Variants in CHD9 observed in about 807,000 individuals in gnomAD.
The protein encoded by CHD9 is ATP-dependent chromatin remodeler CHD9.
Under a neutral mutation model 316.1 loss-of-function variants are expected in CHD9, and 77 were observed. The ratio of observed to expected loss-of-function variants is 0.24; its 90% CI spans 0.20 to 0.29. The LOEUF (loss-of-function observed/expected upper bound fraction) is 0.29, where lower values mean the gene tolerates loss of function less well. Ranked by LOEUF, CHD9 falls within the 10% of genes least tolerant of loss-of-function variation. The pLI is 1.00. For synonymous variants in CHD9, 1,129 were observed against 1,158.3 expected (o/e 0.97, Z 0.51); for missense variants, 2,763 against 3,438.1 (o/e 0.80, Z 4.91).
chr16:53,279,831 AAAAG>A (rs1251436859), intron 24 of CHD9, among the ~76,000 whole-genome samples: 2 of 152,172 alleles, frequency 1.3e-5, no homozygotes, highest in East Asian at 3.9e-4. Context: ...AATTAGAAAA[AAAAG>A]AAAAGTTCCA....
At chr16:53,107,196 A>G (rs769268591) in intron 1 of CHD9, among the ~76,000 whole-genome samples, 2 of 152,030 alleles carry the variant, frequency 1.3e-5, no homozygotes, top group African/African-American at 4.8e-5. Context: ...GCATTTTGGG[A>G]GGCCTGTAAT....
intron 2 of CHD9, among the ~76,000 whole-genome samples, chr16:53,183,861 CTTTAGTGTCCTCATTCATA>C (rs1250984717): frequency 6.6e-6 from 1 of 152,184 alleles, no homozygotes; most frequent in Non-Finnish European, 1.5e-5. Context: ...TCTTTCCAAA[CTTTAGTGTCCTCATTCATA>C]AAATGTGGAT....
chr16:53,241,794 T>A (rs1226133407), intron 12 of CHD9, among the ~76,000 whole-genome samples: 1 of 152,188 alleles, frequency 6.6e-6, no homozygotes, highest in Non-Finnish European at 1.5e-5. Context: ...TTAACTGTTC[T>A]CCATGATCCT....
Position 53,268,095 on chromosome 16 carries a change from T to C in CHD9, c.4686T>C (p.Asp1562=). The change falls in exon 22 of 39, where the codon GAT becomes GAC. Residue 1562 remains aspartate (D), a synonymous_variant. Coordinates refer to ENST00000447540, the MANE Select transcript of CHD9 (RefSeq NM_001308319.2). ...GGGATCTCATTACTCCAACTGAAGA[T>C]GGACAGACACGAGAGCTACAGAATC... ...FIWDLITPTE[D]GQTRELQNHL... is the part of the protein sequence containing the mutation. 6.2e-7 allele frequency: 1 copy of C among 1,611,780 alleles called. No homozygotes were observed. The highest frequency in any genetic ancestry group is 8.5e-7 in the Non-Finnish European group (1 of 1,178,708).
At position 53,117,703 on chromosome 16, in the gene CHD9, A is replaced by G. The variant is rs191922681; in HGVS notation, c.-164-38223A>G. Among the ~76,000 whole-genome samples the G allele has an allele frequency of 1.4e-3, 220 of 152,246 alleles. 3 individuals are homozygous for G. The highest frequency in any genetic ancestry group is 1.8e-3 in the Non-Finnish European group (125 of 68,024). Reference sequence around the variant, plus strand: ...GGTGCTGGGATTACAGATGTAAGCCATTGCACCCGGCCTGACATACTATTT... The same window carrying G: ...GGTGCTGGGATTACAGATGTAAGCCGTTGCACCCGGCCTGACATACTATTT... On this transcript the variant is annotated intron_variant, in intron 1 of 38. Coordinates refer to ENST00000447540, the MANE Select transcript of CHD9 (RefSeq NM_001308319.2).
In CHD9 at chr16:53,267,413, C is replaced by T; in HGVS notation, c.4440C>T (p.Leu1480=). 6.2e-7 allele frequency: 1 copy of T among 1,612,998 alleles called. No homozygotes were observed. The highest frequency in any genetic ancestry group is 8.5e-7 in the Non-Finnish European group (1 of 1,179,314). ...AESEGDEKPK[L]RRPCDRSNGY... ...GTGAAGGAGATGAAAAGCCCAAACT[C>T]CGGAGACCCTGTGACCGTTCCAATG... The change falls in exon 21 of 39, where the codon CTC becomes CTT. Residue 1480 remains leucine, a synonymous_variant. Coordinates refer to ENST00000447540, the MANE Select transcript of CHD9 (RefSeq NM_001308319.2).
chr16:53,139,720 G>T (rs949992244), intron 1 of CHD9, among the ~76,000 whole-genome samples: 1 of 152,104 alleles, frequency 6.6e-6, no homozygotes, highest in Non-Finnish European at 1.5e-5. Context: ...ATATTCTTTC[G>T]AAATCCTGTG....
chr16:53,111,531 G>A (rs567573528), intron 1 of CHD9, among the ~76,000 whole-genome samples: 37 of 152,288 alleles, frequency 2.4e-4, no homozygotes, highest in African/African-American at 8.9e-4. Flanking sequence ...TGAATGTTTA[G>A]TCTTTTCTCC....
rs565105727 is a variant in CHD9, at chr16:53,087,754, C to T, written c.-165+32677C>T. On this transcript the variant is annotated intron_variant, in intron 1 of 38. Transcript: ENST00000447540. The stretch of plus-strand genomic sequence containing the variant: ...CTTGAGGTCAGGAGTTCGAGACCAG[C>T]CTGGCCAACATGATGAAACCTTGTC... 2.0e-5 allele frequency among the ~76,000 whole-genome samples: 3 copies of T among 152,176 alleles called. No individual in the cohort carries two copies. In the South Asian group the frequency reaches 6.2e-4, roughly 32 times the overall value.
At chr16:53,195,016 A>G (rs933459540) in intron 2 of CHD9, among the ~76,000 whole-genome samples, 1 of 152,236 alleles carries the variant, frequency 6.6e-6, no homozygotes, top group African/African-American at 2.4e-5. Flanking sequence ...TAATGATAAG[A>G]TTACAAAATG....
chr16:53,214,852 G>A (rs941801503), intron 3 of CHD9, among the ~76,000 whole-genome samples: 1 of 151,692 alleles, frequency 6.6e-6, no homozygotes, highest in African/African-American at 2.4e-5. Flanking sequence ...TTAAAACTAT[G>A]GCATGTCATT....
intron 32 of CHD9, 101 bp from the exon 33 acceptor site, chr16:53,307,580 A>G: frequency 1.0e-6 from 1 of 1,000,660 alleles, no homozygotes; most frequent in Non-Finnish European, 1.5e-6. Context: ...ACATACACAT[A>G]TGTTGAACTA....
At chr16:53,063,733 A>G (rs556473934) in intron 1 of CHD9, among the ~76,000 whole-genome samples, 272 of 150,810 alleles carry the variant, frequency 1.8e-3, no homozygotes, top group Non-Finnish European at 3.2e-3. Context: ...GGGTTTCACC[A>G]TGTTAGCCAG....
rs2049516412 is a variant in CHD9 at position 53,245,569 on chromosome 16, A to G, written c.3199-26A>G. 3 of 1,539,326 alleles carry G rather than the reference A, an allele frequency of 1.9e-6. No individual in the cohort carries two copies. In the African/African-American group the frequency reaches 4.2e-5, roughly 21 times the overall value. On this transcript the variant is annotated intron_variant, in intron 14 of 38. Coordinates refer to ENST00000447540, the MANE Select transcript of CHD9 (RefSeq NM_001308319.2). This position sits in a 1 kb window ranked among gnomAD's most constrained non-coding sequence, Gnocchi z 4.1. ...GTAATTAAATGCTCACTTATGTTAT[A>G]TGTCTTTTTATCATTTTTTATTCAG...
rs1248348290 is a variant in CHD9 at position 53,107,856 on chromosome 16, T to G, written c.-164-48070T>G. Among the ~76,000 whole-genome samples, 5 of 152,258 alleles carry G rather than the reference T, an allele frequency of 3.3e-5. No homozygotes were observed. In the East Asian group the frequency reaches 9.7e-4, roughly 29 times the overall value. The stretch of plus-strand genomic sequence containing the variant: ...AGAAATTCTTATCCCCTGAAGCTTA[T>G]TTTCTAATGGAGAGAGAGTAAACAA... On this transcript the variant is annotated intron_variant, in intron 1 of 38. Transcript: ENST00000447540.
intron 1 of CHD9, among the ~76,000 whole-genome samples, chr16:53,117,425 TA>T (rs58358674): frequency 2.0e-5 from 3 of 151,710 alleles, no homozygotes; most frequent in Non-Finnish European, 4.4e-5. Context: ...TATATATATA[TA>T]TTTTTGGAAA....
intron 27 of CHD9, among the ~76,000 whole-genome samples, chr16:53,289,642 G>A (rs1043983102): frequency 1.3e-5 from 2 of 152,086 alleles, no homozygotes; most frequent in African/African-American, 4.8e-5. Context: ...TTATACTATA[G>A]TAATAGATTA....
intron 1 of CHD9, among the ~76,000 whole-genome samples, chr16:53,094,266 C>G (rs2152559969): frequency 6.6e-6 from 1 of 152,304 alleles, no homozygotes; most frequent in East Asian, 1.9e-4. Flanking sequence ...TCCGCCTAGT[C>G]TGGGCTGGGC....
chr16:53,168,893 C>T (rs116956344), intron 2 of CHD9: 3,255 of 152,274 alleles, frequency 0.021, 68 homozygotes, highest in Non-Finnish European at 0.03. Context: ...TGGGCCACCA[C>T]GCCTGGCGAA....
Sources: allele counts gnomAD v4.1 joint callset (sites outside exome capture counted in the v4.1 genomes callset), GRCh38; gene constraint gnomAD v4.1.1; non-coding constraint Gnocchi (gnomAD v3.1); transcripts MANE v1.5; gene names NCBI Gene and HGNC (gene_info 2026-07-23, HGNC 2026-07-21).